The following GRID2 variants were observed in gnomAD, a reference collection of about 807,000 sequenced individuals.
The protein encoded by GRID2 is glutamate ionotropic receptor delta type subunit 2.
A neutral mutation model predicts 114.8 loss-of-function variants in GRID2; 33 were observed. That is an observed-to-expected ratio of 0.29 (90% confidence interval 0.22 to 0.38). The LOEUF is 0.38. GRID2 is among the 10% of genes least tolerant of loss of function. GRID2 has a pLI of 1.00. For synonymous variants in GRID2, 505 were observed against 449.9 expected (o/e 1.12, Z -1.55); for missense variants, 1,184 against 1,257.7 (o/e 0.94, Z 0.89).
intron 2 of GRID2, among the ~76,000 whole-genome samples, chr4:92,779,232 G>A (rs913486433): frequency 6.9e-6 from 1 of 145,598 alleles, no homozygotes; most frequent in Admixed American, 6.8e-5. Flanking sequence ...ATTTTAATCT[G>A]TGTCCTTAAC....
chr4:92,677,332 C>T (rs371446228), intron 2 of GRID2, among the ~76,000 whole-genome samples: 7 of 152,258 alleles, frequency 4.6e-5, no homozygotes, highest in South Asian at 2.1e-4. Flanking sequence ...TCAGTAGGTT[C>T]TTGGCTAGTA....
chr4:92,483,158 CG>C (rs1308853154), intron 1 of GRID2, among the ~76,000 whole-genome samples: 2 of 151,950 alleles, frequency 1.3e-5, no homozygotes, highest in African/African-American at 4.8e-5. Context: ...GCCAATATGG[CG>C]AAAACCTGTC....
intron 11 of GRID2, among the ~76,000 whole-genome samples, chr4:93,468,894 C>T (rs1724538457): frequency 6.6e-6 from 1 of 152,030 alleles, no homozygotes; most frequent in South Asian, 2.1e-4. Flanking sequence ...CTAAAGGAGT[C>T]ATGATTATAT....
chr4:92,774,395 T>C (rs1010076689), intron 2 of GRID2, among the ~76,000 whole-genome samples: 63 of 152,120 alleles, frequency 4.1e-4, no homozygotes, highest in African/African-American at 1.4e-3. Flanking sequence ...CAGTGTAGCT[T>C]TTCTTATTCT....
In GRID2 at chr4:93,401,778, A is replaced by G. The variant is rs137865428; in HGVS notation, c.1347+6070A>G. 7.4e-3 allele frequency among the ~76,000 whole-genome samples: 1,124 copies of G among 152,242 alleles called. 13 individuals are homozygous for G. Among genetic ancestry groups the G allele is most frequent in the African/African-American group, 0.025 (1,055 of 41,566 alleles). On this transcript the variant is annotated intron_variant, in intron 9 of 15. Coordinates refer to ENST00000282020, the MANE Select transcript of GRID2 (RefSeq NM_001510.4). ...CCACAAAGCAATATCCAAAATATCT[A>G]TTGAGAGAATGGTAGGTTTTTCTAA...
At chr4:92,575,649 G>A (rs1727851707) in intron 1 of GRID2, among the ~76,000 whole-genome samples, 1 of 152,194 alleles carries the variant, frequency 6.6e-6, no homozygotes, top group Admixed American at 6.5e-5. Flanking sequence ...ATGGCAGCCT[G>A]TCCCTTCCTC....
intron 14 of GRID2, among the ~76,000 whole-genome samples, chr4:93,762,151 G>GA (rs1352170633): frequency 6.6e-6 from 1 of 152,000 alleles, no homozygotes; most frequent in African/African-American, 2.4e-5. Flanking sequence ...TGAAAACCCA[G>GA]AAAATGAATT....
chr4:92,441,519 A>G (rs1240821639), intron 1 of GRID2, among the ~76,000 whole-genome samples: 7 of 152,202 alleles, frequency 4.6e-5, no homozygotes, highest in Middle Eastern at 3.4e-3. Context: ...GTTTGGCACC[A>G]CGGGGTGGAT....
chr4:93,450,663 A>G (rs1316334794), intron 10 of GRID2, among the ~76,000 whole-genome samples: 2 of 151,822 alleles, frequency 1.3e-5, no homozygotes. Flanking sequence ...ACTTGAGAGA[A>G]TGCAAATCTT....
rs557477410 is a variant in GRID2, at chr4:93,798,101, C to T, written c.222-8614C>T. Reference sequence around the variant, plus strand: ...TTGAGAGGCAGATGTTGCAGTGAGCCGAGATCGCACCATCGCAATCCAGCC... The same window carrying T: ...TTGAGAGGCAGATGTTGCAGTGAGCTGAGATCGCACCATCGCAATCCAGCC... On this transcript the variant is annotated intron_variant, in intron 1 of 1. Coordinates refer to the GRID2 transcript ENST00000637838. Among the ~76,000 whole-genome samples the T allele has an allele frequency of 1.8e-4, 27 of 152,006 alleles. No individual in the cohort carries two copies. The East Asian group carries it at 2.1e-3, about 12-fold the overall frequency.
At chr4:93,725,920 C>G (rs925841994) in intron 14 of GRID2, among the ~76,000 whole-genome samples, 1 of 152,036 alleles carries the variant, frequency 6.6e-6, no homozygotes, top group Non-Finnish European at 1.5e-5. Context: ...AAATTTTCTC[C>G]CATTCTGTAG....
At chr4:93,007,074 A>G (rs1454272655) in intron 2 of GRID2, among the ~76,000 whole-genome samples, 1 of 152,002 alleles carries the variant, frequency 6.6e-6, no homozygotes, top group African/African-American at 2.4e-5. Context: ...GTCAGAAAAG[A>G]GAAGAAAAAG....
intron 2 of GRID2, among the ~76,000 whole-genome samples, chr4:92,627,667 AT>A (rs1189429506): frequency 6.6e-6 from 1 of 152,060 alleles, no homozygotes; most frequent in East Asian, 1.9e-4. Context: ...AATTATGAAA[AT>A]TTCTTCTGAT....
At chr4:93,469,859 G>A (rs1724638469) in intron 11 of GRID2, among the ~76,000 whole-genome samples, 1 of 152,080 alleles carries the variant, frequency 6.6e-6, no homozygotes, top group Admixed American at 6.6e-5. Flanking sequence ...GTCCCCTGTA[G>A]TTATTGCAAA....
chr4:93,080,435 T>C (rs1037091256), intron 2 of GRID2, among the ~76,000 whole-genome samples: 1 of 152,196 alleles, frequency 6.6e-6, no homozygotes, highest in Non-Finnish European at 1.5e-5. Context: ...TGAAAGAGCA[T>C]TGAAGTTACA....
intron 13 of GRID2, among the ~76,000 whole-genome samples, chr4:93,552,272 T>G (rs937482257): frequency 3.4e-4 from 51 of 152,110 alleles, no homozygotes; most frequent in Non-Finnish European, 6.8e-4. Context: ...CTTAATCCAG[T>G]CTATCATTGT....
At chr4:92,501,955 T>C (rs1723705526) in intron 1 of GRID2, among the ~76,000 whole-genome samples, 1 of 152,176 alleles carries the variant, frequency 6.6e-6, no homozygotes, top group Non-Finnish European at 1.5e-5. Context: ...ATTAAATTTT[T>C]AAACTTACTT....
intron 1 of GRID2, among the ~76,000 whole-genome samples, chr4:92,549,953 A>G (rs888232086): frequency 2.0e-5 from 3 of 152,160 alleles, no homozygotes; most frequent in African/African-American, 7.2e-5. Flanking sequence ...TCAAAGAGAC[A>G]ACCCACATAA....
chr4:92,890,198 A>G (rs1279808776), intron 2 of GRID2, among the ~76,000 whole-genome samples: 1 of 152,192 alleles, frequency 6.6e-6, no homozygotes, highest in Non-Finnish European at 1.5e-5. Flanking sequence ...TTCAGGACGT[A>G]GGTGTGGGCA....
Sources: gnomAD v4.1 joint callset for allele counts (sites outside exome capture counted in the v4.1 genomes callset) on GRCh38, gnomAD v4.1.1 for gene constraint, MANE v1.5 for transcripts, NCBI Gene and HGNC (gene_info 2026-07-23, HGNC 2026-07-21) for gene names.